EWSR1: variants seen among roughly 807,000 people sequenced by gnomAD.
The protein encoded by EWSR1 is RNA-binding protein EWS.
A neutral mutation model predicts 92.1 loss-of-function variants in EWSR1; 14 were observed. The observed-to-expected ratio is 0.15, with a 90% confidence interval of 0.10 to 0.24. The LOEUF (loss-of-function observed/expected upper bound fraction) is 0.24. Among genes scored for constraint, EWSR1 ranks in the 10% least tolerant of loss-of-function variants. The pLI, the probability that EWSR1 is intolerant of heterozygous loss-of-function variation, is 1.00. For synonymous variants in EWSR1, 303 were observed against 292.9 expected, an observed-to-expected ratio of 1.03 and a Z score of -0.35; for missense variants, 637 against 870.9, an observed-to-expected ratio of 0.73 and a Z score of 3.38.
intron 1 of EWSR1, among the ~76,000 whole-genome samples, chr22:29,269,917 T>C (rs1307303386): frequency 3.9e-5 from 6 of 152,234 alleles, no homozygotes; most frequent in African/African-American, 1.4e-4. Context: ...TGCTGTACTG[T>C]ATTAGAATTA....
chr22:29,291,739 G>A (rs2060458125), intron 9 of EWSR1, 140 bp downstream of exon 9: 1 of 753,378 alleles, frequency 1.3e-6, no homozygotes, highest in Non-Finnish European at 2.1e-6. Context: ...TGCCGGCATT[G>A]TCTTAGGGGT....
intron 4 of EWSR1, among the ~76,000 whole-genome samples, 155 bp downstream of exon 4, chr22:29,274,019 C>T (rs1316123748): frequency 6.6e-6 from 1 of 152,134 alleles, no homozygotes; most frequent in Non-Finnish European, 1.5e-5. Context: ...TCTTTCTTCC[C>T]TACTCTTATA....
Position 29,278,241 on chromosome 22 carries a change from G to T in EWSR1, c.413+25G>T, listed in dbSNP as rs780584097. Reference sequence around the variant, plus strand: ...GGTAAGGCCATGGTGTCCTTAATGCGTCAGTCTTATGTTGGAGGGAAAGAA... The same window carrying T: ...GGTAAGGCCATGGTGTCCTTAATGCTTCAGTCTTATGTTGGAGGGAAAGAA... On this transcript the variant is annotated intron_variant, in intron 5 of 16. Coordinates refer to ENST00000397938, the MANE Select transcript of EWSR1 (RefSeq NM_005243.4). 5 of 1,607,196 alleles carry T rather than the reference G, an allele frequency of 3.1e-6. No individual in the cohort carries two copies. The South Asian group carries it at 5.5e-5, about 18-fold the overall frequency.
At chr22:29,275,054 A>C (rs2058995437) in intron 4 of EWSR1, among the ~76,000 whole-genome samples, 1 of 25,906 alleles carries the variant, frequency 3.9e-5, no homozygotes, top group Admixed American at 6.0e-4. Flanking sequence ...TTTTGATGGG[A>C]AGTAATTCCT....
In EWSR1 at chr22:29,300,381, T is replaced by TAAGACTTTAACA. The variant is rs2061256653; in HGVS notation, c.*222_*233dup. 2 of 497,918 alleles carry TAAGACTTTAACA rather than the reference T, an allele frequency of 4.0e-6. No individual in the cohort carries two copies. Among genetic ancestry groups the TAAGACTTTAACA allele is most frequent in the Admixed American group, 7.3e-5 (2 of 27,562 alleles). The allele number at this position is 497,918 out of a possible 1,614,324, so 30.8% of individuals were successfully genotyped here. On this transcript the variant is annotated 3_prime_UTR_variant, in exon 17 of 17. Transcript: ENST00000397938. ...CTTCCTTCTTTTAAAAATGGTTGTT[T>TAAGACTTTAACA]AAGACTTTAACAATGGGAACCCCTT...
intron 7 of EWSR1, among the ~76,000 whole-genome samples, chr22:29,287,868 G>A (rs571340125): frequency 6.6e-6 from 1 of 152,140 alleles, no homozygotes; most frequent in South Asian, 2.1e-4. Context: ...GTTGCTGTTT[G>A]TTTATATCCA....
chr22:29,279,126 A>G (rs2059360385), intron 5 of EWSR1, among the ~76,000 whole-genome samples: 1 of 152,124 alleles, frequency 6.6e-6, no homozygotes, highest in African/African-American at 2.4e-5. Flanking sequence ...AAGAAGAGAG[A>G]GAGAGAGTGT....
intron 6 of EWSR1, among the ~76,000 whole-genome samples, chr22:29,283,233 C>T (rs186174290): frequency 5.3e-5 from 8 of 152,294 alleles, no homozygotes; most frequent in East Asian, 3.9e-4. Context: ...ATAAGTAAAG[C>T]GCAGGGCATT....
intron 6 of EWSR1, among the ~76,000 whole-genome samples, chr22:29,282,799 G>C (rs1569078921): frequency 7.0e-6 from 1 of 142,126 alleles, no homozygotes; most frequent in South Asian, 2.2e-4. Flanking sequence ...GTCTCTCTCT[G>C]TCGCCCAGGC....
chr22:29,294,576 G>C (rs2060695516), intron 11 of EWSR1, among the ~76,000 whole-genome samples: 1 of 148,894 alleles, frequency 6.7e-6, no homozygotes, highest in African/African-American at 2.5e-5. Flanking sequence ...CTGCATTCCA[G>C]CCTGGGTGAC....
At chr22:29,282,256 T>C in intron 5 of EWSR1, 134 bp from the exon 6 acceptor site, 1 of 674,228 alleles carries the variant, frequency 1.5e-6, no homozygotes. Context: ...TTTATTATTG[T>C]ATTTATTTCC....
intron 1 of EWSR1, among the ~76,000 whole-genome samples, chr22:29,268,999 C>T (rs1335886758): frequency 1.3e-5 from 2 of 152,202 alleles, no homozygotes; most frequent in Non-Finnish European, 2.9e-5. Flanking sequence ...TCCTCCAGGG[C>T]CCCCAGTTTG....
At chr22:29,285,405 A>G (rs2059951249) in intron 6 of EWSR1, among the ~76,000 whole-genome samples, 1 of 151,212 alleles carries the variant, frequency 6.6e-6, no homozygotes, top group Admixed American at 6.6e-5. Context: ...TACAGGCATG[A>G]GCCTTCAAAC....
At chr22:29,274,203 T>G in intron 4 of EWSR1, 1 of 1,577,388 alleles carries the variant, frequency 6.3e-7, no homozygotes, top group Non-Finnish European at 8.7e-7. Context: ...ATCAAACTGG[T>G]TTTCACATGT....
chr22:29,280,872 T>TG (rs1569073166), intron 5 of EWSR1, among the ~76,000 whole-genome samples: 3 of 96,380 alleles, frequency 3.1e-5, no homozygotes, highest in Admixed American at 1.1e-4. Context: ...GTTTTTTTTT[T>TG]TTTTTTTTTT....
At position 29,286,066 on chromosome 22, in the gene EWSR1, C is replaced by T. The variant is rs546181483; in HGVS notation, c.582-857C>T. ...ATGTTAGCCAGGATGGTCTCGATCT[C>T]TTGACCTCATGATGTGCCTGCCTCG... On this transcript the variant is annotated intron_variant, in intron 6 of 16. Coordinates refer to ENST00000397938, the MANE Select transcript of EWSR1 (RefSeq NM_005243.4). 1.5e-3 allele frequency among the ~76,000 whole-genome samples: 234 copies of T among 152,182 alleles called. 2 individuals are homozygous for T. The highest frequency in any genetic ancestry group is 5.8e-3 in the Admixed American group (88 of 15,294).
At chr22:29,279,436 A>G (rs1271911098) in intron 5 of EWSR1, among the ~76,000 whole-genome samples, 1 of 152,228 alleles carries the variant, frequency 6.6e-6, no homozygotes, top group Non-Finnish European at 1.5e-5. Context: ...TAATCTAAAT[A>G]TTATAGGCAA....
rs550011200 is a variant in EWSR1 at position 29,285,185 on chromosome 22, G to T, written c.582-1738G>T. ...GTTGCCCAGGTTGGAGTGCAGTGGC[G>T]CTGTCTTGGCTCACTGCAGCCTCTG... On this transcript the variant is annotated intron_variant, in intron 6 of 16. Transcript: ENST00000397938. 5.6e-3 allele frequency among the ~76,000 whole-genome samples: 812 copies of T among 145,602 alleles called. 9 individuals are homozygous for T. Among genetic ancestry groups the T allele is most frequent in the Non-Finnish European group, 7.0e-3 (469 of 67,440 alleles).
In EWSR1 at chr22:29,278,517, G is replaced by A. The variant is rs12160282; in HGVS notation, c.413+301G>A. Among the ~76,000 whole-genome samples, 636 of 151,260 alleles carry A rather than the reference G, an allele frequency of 4.2e-3. 1 individual carries two copies. The highest frequency in any genetic ancestry group is 0.015 in the African/African-American group (602 of 41,138). ...GCCTGGCCAACATGGGTGAAACCCCGTCTCTACTAAAAATGCAAAAATACC... is the reference window on the plus strand; with the variant it reads ...GCCTGGCCAACATGGGTGAAACCCCATCTCTACTAAAAATGCAAAAATACC... On this transcript the variant is annotated intron_variant, in intron 5 of 16. Transcript: ENST00000397938.
Sources: allele counts gnomAD v4.1 joint callset (sites outside exome capture counted in the v4.1 genomes callset), GRCh38; gene constraint gnomAD v4.1.1; transcripts MANE v1.5; gene names NCBI Gene and HGNC (gene_info 2026-07-23, HGNC 2026-07-21).